Variants in CDH20 observed in about 807,000 individuals in gnomAD.
The protein encoded by CDH20 is cadherin-20.
CDH20 carries 29 observed loss-of-function variants against 74.2 expected under a neutral mutation model. The observed-to-expected ratio is 0.39, with a 90% CI of 0.29 to 0.53. CDH20 has a LOEUF of 0.53. Among genes scored for constraint, CDH20 ranks in the 20% least tolerant of loss-of-function variants. The pLI is 0.69. For synonymous variants in CDH20, 469 were observed against 405.4 expected (o/e 1.16, Z -1.88); for missense variants, 988 against 1,048.3 (o/e 0.94, Z 0.79).
intron 1 of CDH20, among the ~76,000 whole-genome samples, chr18:61,456,901 C>T (rs543647538): frequency 1.1e-4 from 16 of 152,260 alleles, no homozygotes; most frequent in African/African-American, 3.4e-4. Context: ...AATCATCTCC[C>T]TTGTATCTCC....
At chr18:61,413,840 AT>A (rs1462133853) in intron 1 of CDH20, among the ~76,000 whole-genome samples, 1 of 152,130 alleles carries the variant, frequency 6.6e-6, no homozygotes, top group Non-Finnish European at 1.5e-5. Flanking sequence ...ATGGAGAAGA[AT>A]TTTCAAAGGG....
intron 1 of CDH20, among the ~76,000 whole-genome samples, chr18:61,478,880 C>G (rs776933987): frequency 2.0e-5 from 3 of 152,010 alleles, no homozygotes; most frequent in Non-Finnish European, 2.9e-5. Context: ...CTGAAAATCT[C>G]TGTACTAAAG....
chr18:61,550,047 C>T lies in CDH20; in HGVS notation c.1718C>T (p.Pro573Leu). The T allele has an allele frequency of 6.2e-7, 1 of 1,614,190 alleles. No homozygotes were observed. Among genetic ancestry groups the T allele is most frequent in the East Asian group, 2.2e-5 (1 of 44,872 alleles). ...CAGGAGCAGAGTGTCTTTCACCTGC[C>T]TATCCTGATAGCAGATAGCGGGCAG... Reference protein sequence around the residue: ...RQQEQSVFHLPILIADSGQPV... With the variant: ...RQQEQSVFHLLILIADSGQPV... The change falls in exon 11 of 12, where the codon CCT (proline) becomes CTT (leucine). Residue 573 changes from proline to leucine, a missense_variant. Transcript: ENST00000262717.
chr18:61,387,546 T>C (rs1911643276), intron 1 of CDH20, among the ~76,000 whole-genome samples: 1 of 152,204 alleles, frequency 6.6e-6, no homozygotes, highest in African/African-American at 2.4e-5. Flanking sequence ...TTCATTAAAG[T>C]CGGCTAAATT....
At position 61,512,504 on chromosome 18, in the gene CDH20, T is replaced by G. The variant is rs552131779; in HGVS notation, c.1017+4944T>G. On this transcript the variant is annotated intron_variant, in intron 6 of 11. Transcript: ENST00000262717. ...TTGCCAATTTAAATAATACAATACT[T>G]TCTTATTTCTTAGTTTAGTGTCTAT... 3.3e-5 allele frequency among the ~76,000 whole-genome samples: 5 copies of G among 152,266 alleles called. No homozygotes were observed. The East Asian group carries it at 9.6e-4, about 29-fold the overall frequency.
At chr18:61,341,079 A>G (rs552724895) in intron 1 of CDH20, among the ~76,000 whole-genome samples, 10 of 152,310 alleles carry the variant, frequency 6.6e-5, no homozygotes, top group Non-Finnish European at 1.2e-4. Context: ...GGGAGAAACT[A>G]ACTGGGTGAT....
At chr18:61,513,016 G>A (rs537367776) in intron 6 of CDH20, among the ~76,000 whole-genome samples, 31 of 152,122 alleles carry the variant, frequency 2.0e-4, no homozygotes, top group Admixed American at 1.4e-3. Context: ...ATGTCTATTA[G>A]GTCCGCTTGG....
intron 1 of CDH20, among the ~76,000 whole-genome samples, chr18:61,410,491 A>C (rs923802621): frequency 1.3e-5 from 2 of 152,188 alleles, no homozygotes; most frequent in African/African-American, 4.8e-5. Flanking sequence ...ACCCCAAATC[A>C]ATTTGACCCA....
intron 1 of CDH20, among the ~76,000 whole-genome samples, chr18:61,354,637 G>GT (rs59178864): frequency 0.18 from 27,789 of 151,456 alleles, 3,217 homozygotes; most frequent in East Asian, 0.48. Context: ...AAACCCCTAG[G>GT]TTTTTTTTCA....
At chr18:61,390,158 T>A (rs1911730835) in intron 1 of CDH20, among the ~76,000 whole-genome samples, 1 of 146,622 alleles carries the variant, frequency 6.8e-6, no homozygotes, top group African/African-American at 2.5e-5. Context: ...ACAGGGATCC[T>A]GCCCATTCAC....
chr18:61,515,762 A>T (rs1477196063), intron 6 of CDH20, among the ~76,000 whole-genome samples: 1 of 125,620 alleles, frequency 8.0e-6, no homozygotes, highest in Non-Finnish European at 1.6e-5. Flanking sequence ...GGAATATCAC[A>T]CTCTGGGGAC....
intron 6 of CDH20, among the ~76,000 whole-genome samples, chr18:61,519,378 T>A (rs113366889): frequency 3.3e-5 from 5 of 150,932 alleles, no homozygotes; most frequent in Admixed American, 2.0e-4. Flanking sequence ...GAGAGAAAGA[T>A]GAGGTACCCA....
intron 1 of CDH20, among the ~76,000 whole-genome samples, chr18:61,440,458 C>T (rs1485056244): frequency 6.6e-6 from 1 of 152,062 alleles, no homozygotes; most frequent in South Asian, 2.1e-4. Context: ...CAGACATAGC[C>T]GACTAATACA....
chr18:61,481,642 T>C (rs1910592974), intron 1 of CDH20, among the ~76,000 whole-genome samples: 1 of 152,210 alleles, frequency 6.6e-6, no homozygotes, highest in African/African-American at 2.4e-5. Flanking sequence ...CCCCTTTCTT[T>C]TGTTTTCTTT....
intron 6 of CDH20, among the ~76,000 whole-genome samples, chr18:61,508,051 G>C (rs996427942): frequency 2.8e-4 from 42 of 152,248 alleles, no homozygotes; most frequent in African/African-American, 9.9e-4. Flanking sequence ...AAACATAGCT[G>C]CTGAATGGCT....
intron 1 of CDH20, among the ~76,000 whole-genome samples, chr18:61,472,297 G>T (rs1483513893): frequency 6.6e-6 from 1 of 151,986 alleles, no homozygotes; most frequent in Non-Finnish European, 1.5e-5. Flanking sequence ...ACTTCCCCCC[G>T]AGAGACGTGC....
intron 1 of CDH20, among the ~76,000 whole-genome samples, chr18:61,433,049 A>T (rs1908705688): frequency 6.6e-6 from 1 of 152,188 alleles, no homozygotes; most frequent in Non-Finnish European, 1.5e-5. Flanking sequence ...GCACTGTTAG[A>T]CTTAAGATCT....
In CDH20 at chr18:61,421,152, CTT is replaced by C. The variant is rs558136136; in HGVS notation, c.-152-69249_-152-69248del. ...CAAACTTAAATAGCTAACGATTAAA[CTT>C]GACATTATTTGATCAACAGAGTGGT... On this transcript the variant is annotated intron_variant, in intron 1 of 11. Transcript: ENST00000262717. Among the ~76,000 whole-genome samples, 69 of 152,268 alleles carry C rather than the reference CTT, an allele frequency of 4.5e-4. No individual in the cohort carries two copies. In the South Asian group the frequency reaches 9.5e-3, roughly 21 times the overall value.
chr18:61,484,686 G>T (rs1334273491), intron 1 of CDH20, among the ~76,000 whole-genome samples: 1 of 151,582 alleles, frequency 6.6e-6, no homozygotes, highest in Non-Finnish European at 1.5e-5. Flanking sequence ...TTCAAAGCCA[G>T]GGCTCTTAAT....
Sources: allele counts gnomAD v4.1 joint callset (sites outside exome capture counted in the v4.1 genomes callset), GRCh38; gene constraint gnomAD v4.1.1; transcripts MANE v1.5; gene names NCBI Gene and HGNC (gene_info 2026-07-23, HGNC 2026-07-21).